Variants in FDFT1 observed in about 807,000 individuals in gnomAD.
FDFT1 encodes farnesyl-diphosphate farnesyltransferase 1, also known as squalene synthase.
In FDFT1, 68 loss-of-function variants were observed where a neutral mutation model predicts 46.8. The ratio of observed to expected loss-of-function variants is 1.45; its 90% CI spans 1.19 to 1.78. The LOEUF is 1.78. Ranked by LOEUF, FDFT1 falls within the 40% of genes most tolerant of loss-of-function variation. The probability of loss-of-function intolerance (pLI) is 0.00; values close to 1 mark genes in which losing one functional copy is unlikely to be tolerated. For synonymous variants in FDFT1, 351 were observed against 185.1 expected, an observed-to-expected ratio of 1.90 and a Z score of -7.28; for missense variants, 928 against 524.4, an observed-to-expected ratio of 1.77 and a Z score of -7.52.
intron 3 of FDFT1, among the ~76,000 whole-genome samples, chr8:11,816,557 G>T (rs1297705699): frequency 6.6e-6 from 1 of 152,138 alleles, no homozygotes; most frequent in Admixed American, 6.5e-5. Flanking sequence ...GCAGTGGTTT[G>T]TAGTTCTCTT....
chr8:11,827,905 AAAAC>A (rs1169504456), intron 5 of FDFT1, among the ~76,000 whole-genome samples: 84 of 152,072 alleles, frequency 5.5e-4, no homozygotes, highest in African/African-American at 2.0e-3. Flanking sequence ...CAAAACAAAA[AAAAC>A]AGTAAAAATT....
At chr8:11,812,215 C>G (rs903061111) in intron 3 of FDFT1, among the ~76,000 whole-genome samples, 2 of 152,198 alleles carry the variant, frequency 1.3e-5, no homozygotes, top group Non-Finnish European at 2.9e-5. Context: ...TCCTTCTGTA[C>G]CACGTTCTGG....
At chr8:11,802,702 T>C, upstream of FDFT1, 1 of 695,358 alleles carries the variant, frequency 1.4e-6, no homozygotes, top group South Asian at 1.8e-5. Flanking sequence ...GGGCGGGGCG[T>C]CGCCGTACTA....
chr8:11,823,244 C>A (rs994480080), intron 4 of FDFT1, among the ~76,000 whole-genome samples: 1 of 152,088 alleles, frequency 6.6e-6, no homozygotes, highest in African/African-American at 2.4e-5. Context: ...CATGACCAGC[C>A]AATTATTTCA....
intron 1 of FDFT1, among the ~76,000 whole-genome samples, chr8:11,805,862 A>C (rs968592153): frequency 1.3e-5 from 2 of 152,214 alleles, no homozygotes; most frequent in African/African-American, 4.8e-5. Context: ...CTTGCCACAG[A>C]TGTTTCAGTG....
chr8:11,804,457 G>A (rs1806548961), intron 1 of FDFT1, among the ~76,000 whole-genome samples: 1 of 152,000 alleles, frequency 6.6e-6, no homozygotes, highest in East Asian at 1.9e-4. Flanking sequence ...TGATAATATG[G>A]TGCAGTATTT....
At chr8:11,831,280 C>T (rs951486220) in intron 6 of FDFT1, among the ~76,000 whole-genome samples, 1 of 152,144 alleles carries the variant, frequency 6.6e-6, no homozygotes, top group Admixed American at 6.5e-5. Context: ...ACTTTTGTGG[C>T]TACATTATAG....
rs982275217 is a variant in FDFT1, at chr8:11,811,979, G to C, written c.381+2129G>C. On this transcript the variant is annotated intron_variant, in intron 3 of 7. Coordinates refer to ENST00000220584, the MANE Select transcript of FDFT1 (RefSeq NM_004462.5). Reference sequence around the variant, plus strand: ...ATAGCTCAGTATGTCTTTGAAACCAGTTGTCTGGGGCTAGGCCTGCAATCA... The same window carrying C: ...ATAGCTCAGTATGTCTTTGAAACCACTTGTCTGGGGCTAGGCCTGCAATCA... 5.3e-5 allele frequency among the ~76,000 whole-genome samples: 8 copies of C among 152,340 alleles called. No homozygotes were observed. The East Asian group carries it at 5.8e-4, about 11-fold the overall frequency.
rs28646165 is a variant in FDFT1 at position 11,828,082 on chromosome 8, G to C, written c.702+1867G>C. Among the ~76,000 whole-genome samples, 436 of 151,968 alleles carry C rather than the reference G, an allele frequency of 2.9e-3. 2 individuals are homozygous for C. Among genetic ancestry groups the C allele is most frequent in the African/African-American group, 9.9e-3 (410 of 41,432 alleles). Reference sequence around the variant, plus strand: ...CCAAGTGTGGTGGCATACGCTGGTAGGGCCAGCTACTTGGGAGGCTGATGT... The same window carrying C: ...CCAAGTGTGGTGGCATACGCTGGTACGGCCAGCTACTTGGGAGGCTGATGT... On this transcript the variant is annotated intron_variant, in intron 5 of 7. Transcript: ENST00000220584.
chr8:11,808,543 A>C (rs1368715647), intron 1 of FDFT1: 3 of 1,339,852 alleles, frequency 2.2e-6, no homozygotes, highest in Non-Finnish European at 2.9e-6. Flanking sequence ...TGCGGCACCA[A>C]GGCCATGGCC....
upstream of FDFT1, among the ~76,000 whole-genome samples, chr8:11,799,115 G>A (rs117853623): frequency 7.2e-3 from 1,103 of 152,356 alleles, 15 homozygotes; most frequent in South Asian, 0.026. Context: ...CTTTGGGATA[G>A]AGACTCAACA....
At chr8:11,808,057 G>C (rs920891980) in intron 1 of FDFT1, 1 of 161,610 alleles carries the variant, frequency 6.2e-6, no homozygotes, top group Non-Finnish European at 1.3e-5. Context: ...CTGAGGGATG[G>C]AGGGGGATGT....
At chr8:11,799,316 T>A (rs1805871848), upstream of FDFT1, among the ~76,000 whole-genome samples, 1 of 152,236 alleles carries the variant, frequency 6.6e-6, no homozygotes, top group Non-Finnish European at 1.5e-5. Flanking sequence ...GGGGTTCAAT[T>A]AGTCACTGTC....
At chr8:11,825,031 G>A (rs976291750) in intron 4 of FDFT1, among the ~76,000 whole-genome samples, 9 of 152,246 alleles carry the variant, frequency 5.9e-5, no homozygotes, top group South Asian at 2.1e-4. Context: ...CATCGTGCCC[G>A]GCTGAATGTG....
At position 11,830,199 on chromosome 8, in the gene FDFT1, C is replaced by T. The variant is rs1211245887; in HGVS notation, c.703-45C>T. The T allele has an allele frequency of 4.2e-6, 6 of 1,438,474 alleles. No homozygotes were observed. In the African/African-American group the frequency reaches 4.2e-5, roughly 10 times the overall value. 89.1% of individuals were successfully genotyped at this position (1,438,474 alleles called of 1,614,324 possible). A position where few individuals can be genotyped will look rare whatever the true frequency, so the allele number is the denominator to read the frequency against. On this transcript the variant is annotated intron_variant, in intron 5 of 7. Coordinates refer to ENST00000220584, the MANE Select transcript of FDFT1 (RefSeq NM_004462.5). ...CTTTAATATTGTTTGTAAATTCTCC[C>T]CTATGCACACGCTGACCTGTTCCTT... is the stretch of plus-strand genomic sequence containing the variant.
At chr8:11,829,226 C>T (rs142507849) in intron 5 of FDFT1, among the ~76,000 whole-genome samples, 71 of 152,256 alleles carry the variant, frequency 4.7e-4, no homozygotes, top group African/African-American at 1.6e-3. Context: ...GAGAATTTGC[C>T]ATTTTAACTA....
At chr8:11,797,449 A>T (rs1805672884), upstream of FDFT1, among the ~76,000 whole-genome samples, 2 of 152,008 alleles carry the variant, frequency 1.3e-5, no homozygotes, top group South Asian at 4.1e-4. Flanking sequence ...TTGGGTGTGG[A>T]ACCTTATCTT....
chr8:11,806,944 A>G (rs1362366376), intron 1 of FDFT1, among the ~76,000 whole-genome samples: 2 of 152,196 alleles, frequency 1.3e-5, no homozygotes, highest in South Asian at 2.1e-4. Context: ...TTTTATGGCA[A>G]TAAAATGACT....
intron 3 of FDFT1, among the ~76,000 whole-genome samples, chr8:11,818,054 T>C (rs1002621748): frequency 2.0e-5 from 3 of 152,232 alleles, no homozygotes; most frequent in East Asian, 3.8e-4. Context: ...GATTCTGGTA[T>C]GTTGTGTCTT....
Sources: allele counts gnomAD v4.1 joint callset (sites outside exome capture counted in the v4.1 genomes callset), GRCh38; gene constraint gnomAD v4.1.1; transcripts MANE v1.5; gene names NCBI Gene and HGNC (gene_info 2026-07-23, HGNC 2026-07-21).